GDA: variants seen among roughly 807,000 people sequenced by gnomAD.
The protein encoded by GDA is cytoplasmic PSD-95 interactor.
A neutral mutation model predicts 59.6 loss-of-function variants in GDA; 18 were observed. The ratio of observed to expected loss-of-function variants is 0.30; its 90% CI spans 0.21 to 0.45. The LOEUF is 0.45. Among genes scored for constraint, GDA ranks in the 20% least tolerant of loss-of-function variants. The probability of loss-of-function intolerance (pLI) is 1.00; values close to 1 mark genes in which losing one functional copy is unlikely to be tolerated. For synonymous variants in GDA, 201 were observed against 201.1 expected (o/e 1.00, Z 0.00); for missense variants, 427 against 552.3 (o/e 0.77, Z 2.27).
chr9:72,229,949 A>T (rs1379317300), intron 9 of GDA, among the ~76,000 whole-genome samples: 1 of 152,216 alleles, frequency 6.6e-6, no homozygotes, highest in Non-Finnish European at 1.5e-5. Flanking sequence ...TTTAACACCC[A>T]TTGGGTGTTA....
rs1834696221 is a variant in GDA, at chr9:72,206,336, T to A, written c.384+3594T>A. Among the ~76,000 whole-genome samples, 4 of 152,310 alleles carry A rather than the reference T, an allele frequency of 2.6e-5. No individual in the cohort carries two copies. The South Asian group carries it at 8.3e-4, about 32-fold the overall frequency. ...CTTCATCCCTACCTTTTTTGCTACG[T>A]CCTATGTTATATCATCTGAGATTTT... On this transcript the variant is annotated intron_variant, in intron 3 of 13. Coordinates refer to ENST00000358399, the MANE Select transcript of GDA (RefSeq NM_004293.5).
At chr9:72,238,034 C>T (rs937275222) in intron 10 of GDA, among the ~76,000 whole-genome samples, 3 of 152,138 alleles carry the variant, frequency 2.0e-5, no homozygotes, top group African/African-American at 4.8e-5. Flanking sequence ...CCCTTGTGCT[C>T]GTCACCCTTC....
chr9:72,192,284 A>G (rs1230555240), intron 1 of GDA, among the ~76,000 whole-genome samples: 1 of 110,692 alleles, frequency 9.0e-6, no homozygotes, highest in African/African-American at 3.6e-5. Context: ...CCCAGGCTGG[A>G]GTGCAGTGTC....
rs1383999083 is a variant in GDA at position 72,137,206 on chromosome 9, T to A, written c.-100+22373T>A. 3.5e-3 allele frequency among the ~76,000 whole-genome samples: 200 copies of A among 57,968 alleles called. 1 individual carries two copies. Among genetic ancestry groups the A allele is most frequent in the African/African-American group, 0.011 (195 of 17,950 alleles). 38.0% of individuals were successfully genotyped at this position (57,968 alleles called of 152,430 possible). A position where few individuals can be genotyped will look rare whatever the true frequency, so the allele number is the denominator to read the frequency against. On this transcript the variant is annotated intron_variant, in intron 1 of 13. Transcript: ENST00000545168. ...AAAATTAAAAAATAAATAAATAAAT[T>A]AAAAAAAAAAAAAATTAGGATCCTT...
At chr9:72,227,565 C>A (rs1225353066) in intron 8 of GDA, among the ~76,000 whole-genome samples, 1 of 151,954 alleles carries the variant, frequency 6.6e-6, no homozygotes, top group Non-Finnish European at 1.5e-5. Context: ...AGTTGCTTCC[C>A]ATATAAACTT....
intron 9 of GDA, 135 bp downstream of exon 9, chr9:72,228,175 C>CATTT: frequency 4.7e-6 from 3 of 642,838 alleles, no homozygotes; most frequent in Non-Finnish European, 8.5e-6. Flanking sequence ...GATAGATAGA[C>CATTT]ATTTACTCGT....
In GDA at chr9:72,195,505, GT is replaced by G; in HGVS notation, c.134del (p.Leu45Ter). The G allele has an allele frequency of 2.8e-6, 4 of 1,445,804 alleles. No individual in the cohort carries two copies. Among genetic ancestry groups the G allele is most frequent in the Non-Finnish European group, 2.9e-6 (3 of 1,038,432 alleles). The allele number at this position is 1,445,804 out of a possible 1,614,324, so 89.6% of individuals were successfully genotyped here. On this transcript the variant is annotated frameshift_variant, in exon 2 of 14. Transcript: ENST00000358399. LOFTEE classifies it high-confidence loss of function. Reference protein sequence around the residue: ...LGVSDSGKIVFLEEASQQEKL... With the variant: ...LGVSDSGKIVXLEEASQQEKL... The stretch of plus-strand genomic sequence containing the variant: ...TTTCTTTCTTTCTTTTAAAGATAGT[GT>G]TTTTAGAAGAAGCATCTCAACAGGA...
intron 1 of GDA, among the ~76,000 whole-genome samples, chr9:72,158,486 G>A (rs548648423): frequency 6.6e-6 from 1 of 151,858 alleles, no homozygotes; most frequent in South Asian, 2.1e-4. Flanking sequence ...CCAGCTACTC[G>A]GGAGGCTGAG....
At chr9:72,154,598 A>C (rs1201984578) in intron 1 of GDA, among the ~76,000 whole-genome samples, 2 of 152,214 alleles carry the variant, frequency 1.3e-5, no homozygotes, top group Non-Finnish European at 2.9e-5. Flanking sequence ...TGGAAGAAAG[A>C]TCAAGAAGCA....
chr9:72,242,896 T>C (rs6560259), intron 11 of GDA, among the ~76,000 whole-genome samples: 26,289 of 152,156 alleles, frequency 0.17, 2,584 homozygotes, highest in Middle Eastern at 0.29. Context: ...TCTAGGGCTC[T>C]CTGTAAGTTA....
chr9:72,202,936 G>GAATT (rs1564042561), intron 3 of GDA, among the ~76,000 whole-genome samples, 194 bp downstream of exon 3: 1 of 152,200 alleles, frequency 6.6e-6, no homozygotes. Flanking sequence ...GGCAAAGAGA[G>GAATT]AATTTGAATC....
chr9:72,241,013 T>C (rs1839549576), intron 10 of GDA, 139 bp from the exon 11 acceptor site: 1 of 508,696 alleles, frequency 2.0e-6, no homozygotes, highest in African/African-American at 1.9e-5. Flanking sequence ...AGTCTACGAC[T>C]ATCTTGTGTT....
intron 1 of GDA, among the ~76,000 whole-genome samples, chr9:72,132,380 G>C (rs1417144628): frequency 1.3e-5 from 2 of 152,116 alleles, no homozygotes; most frequent in Non-Finnish European, 2.9e-5. Flanking sequence ...CCCTGGCAGG[G>C]ACCTGAGGGA....
chr9:72,171,376 A>G (rs962164892), intron 1 of GDA, among the ~76,000 whole-genome samples: 1 of 152,082 alleles, frequency 6.6e-6, no homozygotes, highest in Non-Finnish European at 1.5e-5. Context: ...ATATTTGTGT[A>G]TACTTCGTAT....
chr9:72,145,232 A>G (rs1019697635), upstream of GDA, among the ~76,000 whole-genome samples: 3 of 152,142 alleles, frequency 2.0e-5, no homozygotes, highest in Non-Finnish European at 4.4e-5. Context: ...ACTGTTGGAA[A>G]ACCATGTACA....
chr9:72,171,374 G>A (rs1195687696), intron 1 of GDA, among the ~76,000 whole-genome samples: 1 of 151,978 alleles, frequency 6.6e-6, no homozygotes, highest in Admixed American at 6.6e-5. Context: ...GTATATTTGT[G>A]TATACTTCGT....
At chr9:72,151,639 G>A (rs1472699042) in intron 1 of GDA, among the ~76,000 whole-genome samples, 2 of 149,092 alleles carry the variant, frequency 1.3e-5, no homozygotes, top group Non-Finnish European at 3.0e-5. Context: ...ATGGAGTCTC[G>A]CTCTGTCACC....
intron 4 of GDA, among the ~76,000 whole-genome samples, chr9:72,211,493 G>A (rs1039476078): frequency 2.6e-5 from 4 of 152,174 alleles, no homozygotes; most frequent in African/African-American, 9.7e-5. Flanking sequence ...CACAGTACCT[G>A]GCACATAGCA....
At position 72,245,161 on chromosome 9, in the gene GDA, T is replaced by A. The variant is rs761636375; in HGVS notation, c.1149T>A (p.Asp383Glu). ...TGTTCTCAATAGCCCTGGGGCTGGA[T>A]GGTGAGATTGGAAACTTTGAAGTGG... ...TLGGSQALGL[D>E]GEIGNFEVGK... Residue 383 changes from aspartate to glutamate, a missense_variant, in exon 12 of 14, where the codon GAT becomes GAA. Transcript: ENST00000358399. 33 of 1,613,698 alleles carry A rather than the reference T, an allele frequency of 2.0e-5. No homozygotes were observed. The highest frequency in any genetic ancestry group is 2.5e-5 in the Non-Finnish European group (29 of 1,179,736).
Sources: gnomAD v4.1 joint callset for allele counts (sites outside exome capture counted in the v4.1 genomes callset) on GRCh38, gnomAD v4.1.1 for gene constraint, MANE v1.5 for transcripts, NCBI Gene and HGNC (gene_info 2026-07-23, HGNC 2026-07-21) for gene names.